The following MARCHF4 variants were observed in gnomAD, a reference collection of about 807,000 sequenced individuals.
The protein encoded by MARCHF4 is E3 ubiquitin-protein ligase MARCHF4.
A neutral mutation model predicts 43.9 loss-of-function variants in MARCHF4; 14 were observed. The ratio of observed to expected loss-of-function variants is 0.32; its 90% CI spans 0.21 to 0.50. The LOEUF (loss-of-function observed/expected upper bound fraction) is 0.50. Ranked by LOEUF, MARCHF4 falls within the 20% of genes least tolerant of loss-of-function variation. The probability of loss-of-function intolerance (pLI) is 0.98; values close to 1 mark genes in which losing one functional copy is unlikely to be tolerated. For synonymous variants in MARCHF4, 226 were observed against 213.3 expected (o/e 1.06, Z -0.52); for missense variants, 468 against 536.7 (o/e 0.87, Z 1.27).
intron 1 of MARCHF4, among the ~76,000 whole-genome samples, chr2:216,289,037 T>TTA (rs1424898968): frequency 4.5e-5 from 4 of 88,174 alleles, no homozygotes; most frequent in South Asian, 9.8e-4. Flanking sequence ...ATATAAAAAT[T>TTA]TATATATATA....
chr2:216,361,469 T>C (rs1692578039), intron 1 of MARCHF4, among the ~76,000 whole-genome samples: 1 of 152,188 alleles, frequency 6.6e-6, no homozygotes. Context: ...TGCATGCTTG[T>C]CTGCATGCAT....
intron 1 of MARCHF4, among the ~76,000 whole-genome samples, chr2:216,362,257 C>G (rs926924983): frequency 6.6e-6 from 1 of 152,194 alleles, no homozygotes; most frequent in Non-Finnish European, 1.5e-5. Context: ...GTCATCCATA[C>G]CCTCATTGCT....
In MARCHF4 at chr2:216,370,096, C is replaced by T. The variant is rs762395379; in HGVS notation, c.165G>A (p.Arg55=). The change falls in exon 1 of 4, where the codon CGG becomes CGA. Residue 55 remains arginine (R), a synonymous_variant. Transcript: ENST00000273067. Reference sequence around the variant, plus strand: ...TGGGCAGGGGCGCTTGAGGAGGGCGCCGCAGTAAGAAAACCTTCAGGTCAT... The same window carrying T: ...TGGGCAGGGGCGCTTGAGGAGGGCGTCGCAGTAAGAAAACCTTCAGGTCAT... ...LFNDLKVFLL[R]RPPQAPLPMH... 6.3e-6 allele frequency: 10 copies of T among 1,586,340 alleles called. No individual in the cohort carries two copies. The highest frequency in any genetic ancestry group is 1.7e-4 in the Middle Eastern group (1 of 5,732).
chr2:216,271,160 A>T (rs1690928792), intron 3 of MARCHF4, among the ~76,000 whole-genome samples: 1 of 152,142 alleles, frequency 6.6e-6, no homozygotes, highest in Admixed American at 6.5e-5. Context: ...ACTCTGTGGG[A>T]TTTGGCATGG....
intron 1 of MARCHF4, among the ~76,000 whole-genome samples, chr2:216,354,958 T>C (rs188981363): frequency 9.6e-5 from 14 of 145,416 alleles, no homozygotes; most frequent in Admixed American, 3.5e-4. Context: ...TTTCTTTCTT[T>C]CTTTCTTTCT....
intron 1 of MARCHF4, among the ~76,000 whole-genome samples, chr2:216,355,743 C>A (rs1326516441): frequency 6.6e-6 from 1 of 152,216 alleles, no homozygotes; most frequent in East Asian, 1.9e-4. Flanking sequence ...TTTGCAAAGA[C>A]CAGACCCTCT....
intron 1 of MARCHF4, among the ~76,000 whole-genome samples, chr2:216,302,840 G>C (rs1691512162): frequency 7.0e-6 from 1 of 143,468 alleles, no homozygotes. Context: ...GGAGGTTGCA[G>C]TGAGCCAAGA....
At chr2:216,293,705 G>A (rs1559091765) in intron 1 of MARCHF4, among the ~76,000 whole-genome samples, 1 of 87,076 alleles carries the variant, frequency 1.1e-5, no homozygotes, top group African/African-American at 2.8e-5. Flanking sequence ...TAATTTTACT[G>A]GTATAAGACA....
In MARCHF4 at chr2:216,338,377, G is replaced by A. The variant is rs115568059; in HGVS notation, c.516+31368C>T. On this transcript the variant is annotated intron_variant, in intron 1 of 3. Transcript: ENST00000273067. The stretch of plus-strand genomic sequence containing the variant: ...TGGGAGTCTGGAGGATGGGAGTTAG[G>A]GAGAAACCACAGAAGTTTCTGCCGC... Among the ~76,000 whole-genome samples, 793 of 152,244 alleles carry A rather than the reference G, an allele frequency of 5.2e-3. 7 individuals are homozygous for A. Among genetic ancestry groups the A allele is most frequent in the African/African-American group, 0.018 (751 of 41,520 alleles).
At chr2:216,325,475 C>T (rs1171234766) in intron 1 of MARCHF4, among the ~76,000 whole-genome samples, 4 of 152,128 alleles carry the variant, frequency 2.6e-5, no homozygotes, top group Middle Eastern at 3.4e-3. Context: ...CTTTAAAGTT[C>T]ATATGGAACC....
chr2:216,340,280 G>A (rs1692217058), intron 1 of MARCHF4, among the ~76,000 whole-genome samples: 1 of 152,140 alleles, frequency 6.6e-6, no homozygotes, highest in Non-Finnish European at 1.5e-5. Context: ...GAGGGAGTGG[G>A]GGTGGAATTC....
intron 3 of MARCHF4, among the ~76,000 whole-genome samples, chr2:216,267,344 A>G (rs1690862533): frequency 6.6e-6 from 1 of 152,246 alleles, no homozygotes; most frequent in African/African-American, 2.4e-5. Context: ...AATAAAAACA[A>G]AGAAAAAAGA....
intron 1 of MARCHF4, among the ~76,000 whole-genome samples, chr2:216,366,412 C>A (rs747418848): frequency 2.0e-5 from 3 of 152,220 alleles, no homozygotes; most frequent in Non-Finnish European, 4.4e-5. Context: ...CCCTGCTCAA[C>A]ATGAATGAAT....
At chr2:216,324,958 T>C in intron 1 of MARCHF4, among the ~76,000 whole-genome samples, 1 of 151,368 alleles carries the variant, frequency 6.6e-6, no homozygotes, top group Non-Finnish European at 1.5e-5. Context: ...TTGGAAGTTC[T>C]GGCCAGGGCA....
intron 2 of MARCHF4, among the ~76,000 whole-genome samples, chr2:216,280,242 C>A (rs150749979): frequency 0.014 from 2,130 of 152,058 alleles, 57 homozygotes; most frequent in African/African-American, 0.048. Flanking sequence ...GGGTACCAGG[C>A]TGCCACCAGA....
chr2:216,332,774 G>A (rs759677017), intron 1 of MARCHF4, among the ~76,000 whole-genome samples: 8 of 152,116 alleles, frequency 5.3e-5, no homozygotes, highest in Non-Finnish European at 1.0e-4. Context: ...TAATGATATA[G>A]CCATAGTAAT....
chr2:216,295,798 G>A (rs979353175), intron 1 of MARCHF4, among the ~76,000 whole-genome samples: 1 of 152,232 alleles, frequency 6.6e-6, no homozygotes. Flanking sequence ...CTGAAAGCCA[G>A]TTGTCTCCAG....
chr2:216,355,096 C>T (rs771419535), intron 1 of MARCHF4, among the ~76,000 whole-genome samples: 3 of 151,810 alleles, frequency 2.0e-5, no homozygotes, highest in Admixed American at 6.6e-5. Flanking sequence ...CTCAGACTCC[C>T]GAGTAGTTGG....
chr2:216,275,772 C>T (rs1691009506), intron 3 of MARCHF4, among the ~76,000 whole-genome samples: 1 of 152,196 alleles, frequency 6.6e-6, no homozygotes, highest in African/African-American at 2.4e-5. Context: ...GTTGAGCTTA[C>T]TGACTACTTG....
Sources: gnomAD v4.1 joint callset for allele counts (sites outside exome capture counted in the v4.1 genomes callset) on GRCh38, gnomAD v4.1.1 for gene constraint, MANE v1.5 for transcripts, NCBI Gene and HGNC (gene_info 2026-07-23, HGNC 2026-07-21) for gene names.